Variants in HSH2D observed in about 807,000 individuals in gnomAD.
HSH2D encodes hematopoietic SH2 domain containing.
In HSH2D, 16 loss-of-function variants were observed where a neutral mutation model predicts 21.5. That is an observed-to-expected ratio of 0.74 (90% CI 0.50 to 1.13). HSH2D has a LOEUF of 1.13. HSH2D is among the 50% of genes most tolerant of loss of function. The pLI, the probability that HSH2D is intolerant of heterozygous loss-of-function variation, is 0.00. For synonymous variants in HSH2D, 172 were observed against 184.7 expected (o/e 0.93, Z 0.56); for missense variants, 418 against 441.4 (o/e 0.95, Z 0.47).
At chr19:16,154,185 C>A (rs766119355) in intron 4 of HSH2D, among the ~76,000 whole-genome samples, 2 of 151,520 alleles carry the variant, frequency 1.3e-5, no homozygotes, top group African/African-American at 4.8e-5. Context: ...GTGCTATGGG[C>A]GGGGCATCTT....
chr19:16,134,711 G>A (rs1184391864), intron 1 of HSH2D, among the ~76,000 whole-genome samples: 7 of 151,992 alleles, frequency 4.6e-5, no homozygotes, highest in East Asian at 1.9e-4. Flanking sequence ...TTGTAGCCAC[G>A]ACCACCTGGA....
upstream of HSH2D, among the ~76,000 whole-genome samples, chr19:16,141,013 C>A (rs1316492770): frequency 6.6e-6 from 1 of 152,166 alleles, no homozygotes; most frequent in Non-Finnish European, 1.5e-5. Flanking sequence ...AAAGGCCTTG[C>A]TTGAATTAAG....
intron 1 of HSH2D, among the ~76,000 whole-genome samples, chr19:16,144,246 G>C (rs1035199758): frequency 1.3e-5 from 2 of 152,024 alleles, no homozygotes; most frequent in Non-Finnish European, 2.9e-5. Flanking sequence ...AGGCCCTCAG[G>C]CTGGTGGAGA....
chr19:16,135,046 T>C (rs898806337), intron 1 of HSH2D, among the ~76,000 whole-genome samples: 2 of 147,590 alleles, frequency 1.4e-5, no homozygotes, highest in Non-Finnish European at 3.0e-5. Context: ...AGGTGGGTGG[T>C]TCACCTGAGG....
At chr19:16,141,444 C>T (rs757330273), upstream of HSH2D, among the ~76,000 whole-genome samples, 2 of 152,176 alleles carry the variant, frequency 1.3e-5, no homozygotes, top group Non-Finnish European at 2.9e-5. Flanking sequence ...TACGAGCACA[C>T]GGCCAGAGCT....
chr19:16,143,430 T>C (rs1274413809), upstream of HSH2D, among the ~76,000 whole-genome samples: 4 of 152,124 alleles, frequency 2.6e-5, no homozygotes, highest in Admixed American at 2.0e-4. Context: ...CACTGCTTGA[T>C]AGATTATAGA....
At position 16,157,345 on chromosome 19, in the gene HSH2D, T is replaced by C; in HGVS notation, c.610T>C (p.Trp204Arg). The part of the protein sequence containing the change: ...SPLGETRQKL[W>R]RSLKMLPERG... ...TCTTGGAGAGACCCGCCAGAAACTC[T>C]GGAGGAGCCTCAAAATGCTCCCCGA... Residue 204 changes from tryptophan to arginine, a missense_variant, in exon 6 of 6, where the codon TGG (tryptophan) becomes CGG (arginine). Physicochemically the swap from Trp to Arg is moderately radical, Grantham distance 101. Transcript: ENST00000613986. This position sits in a 1 kb window ranked among gnomAD's most constrained non-coding sequence, Gnocchi z 4.4. 1 of 1,613,896 alleles carries C rather than the reference T, an allele frequency of 6.2e-7. No individual in the cohort carries two copies. The highest frequency in any genetic ancestry group is 8.5e-7 in the Non-Finnish European group (1 of 1,179,850).
intron 2 of HSH2D, among the ~76,000 whole-genome samples, chr19:16,150,939 C>A (rs978994113): frequency 3.9e-5 from 6 of 152,202 alleles, no homozygotes; most frequent in Non-Finnish European, 5.9e-5. Flanking sequence ...CCAGTGGCCT[C>A]TGTATTGAAC....
intron 5 of HSH2D, among the ~76,000 whole-genome samples, chr19:16,156,835 A>G (rs754761990): frequency 6.6e-6 from 1 of 152,096 alleles, no homozygotes; most frequent in Non-Finnish European, 1.5e-5. Flanking sequence ...TGAAAATACA[A>G]AAATTAGCCA....
intron 2 of HSH2D, among the ~76,000 whole-genome samples, chr19:16,151,960 AG>A (rs1044715770): frequency 2.7e-5 from 4 of 146,790 alleles, no homozygotes; most frequent in African/African-American, 1.0e-4. Context: ...AAAAAAAAAA[AG>A]TTGGGCATGG....
rs1178684712 is a variant in HSH2D at position 16,157,274 on chromosome 19, G to A, written c.539G>A (p.Arg180Lys). 1 of 1,607,198 alleles carries A rather than the reference G, an allele frequency of 6.2e-7. No individual in the cohort carries two copies. Among genetic ancestry groups the A allele is most frequent in the African/African-American group, 1.3e-5 (1 of 74,444 alleles). Reference protein sequence around the residue: ...KERKPSAEMNRITTKEATSSC... With the variant: ...KERKPSAEMNKITTKEATSSC... ...AGGAAGCCGTCAGCAGAGATGAACAGAATAACCACCAAGGAAGCCACTTCC... is the reference window on the plus strand; with the variant it reads ...AGGAAGCCGTCAGCAGAGATGAACAAAATAACCACCAAGGAAGCCACTTCC... The change falls in exon 6 of 6, where the codon AGA (arginine) becomes AAA (lysine). Residue 180 changes from arginine to lysine, a missense_variant. Coordinates refer to ENST00000613986, the MANE Select transcript of HSH2D (RefSeq NM_001382417.1). This position sits in a 1 kb window ranked among gnomAD's most constrained non-coding sequence, Gnocchi z 4.4.
intron 2 of HSH2D, among the ~76,000 whole-genome samples, chr19:16,150,695 A>G (rs933927184): frequency 3.1e-5 from 1 of 32,338 alleles, no homozygotes; most frequent in African/African-American, 1.4e-4. Context: ...CAAAAAAAAA[A>G]AAAAATTAAA....
upstream of HSH2D, among the ~76,000 whole-genome samples, chr19:16,142,922 G>A (rs181605324): frequency 7.3e-4 from 111 of 151,744 alleles, 1 homozygote; most frequent in East Asian, 0.019. Flanking sequence ...ACAGGCACCC[G>A]CCACCACGCC....
Position 16,158,093 on chromosome 19 carries a change from T to C in HSH2D, c.*299T>C. The C allele has an allele frequency of 3.3e-6, 1 of 300,140 alleles. No homozygotes were observed. Among genetic ancestry groups the C allele is most frequent in the South Asian group, 8.7e-5 (1 of 11,538 alleles). 18.6% of individuals were successfully genotyped at this position (300,140 alleles called of 1,614,324 possible). On this transcript the variant is annotated 3_prime_UTR_variant, in exon 6 of 6. Coordinates refer to ENST00000613986, the MANE Select transcript of HSH2D (RefSeq NM_001382417.1). ...AGAGCAAGGCCCTCAGGGAGGGTCA[T>C]CCTCCATGTTTTGAAGAAGAGACTG...
chr19:16,151,090 G>A lies in HSH2D; in HGVS notation c.126-1462G>A, dbSNP rs573534882. 1.1e-4 allele frequency among the ~76,000 whole-genome samples: 17 copies of A among 152,232 alleles called. No individual in the cohort carries two copies. In the East Asian group the frequency reaches 2.7e-3, roughly 24 times the overall value. ...TGTAATCCCAGCACTTTGGGAGGCC[G>A]AGGCGGGCGGATCACCAGAGGTCAG... On this transcript the variant is annotated intron_variant, in intron 2 of 5. Transcript: ENST00000613986.
chr19:16,145,740 G>A (rs550326247), intron 1 of HSH2D, among the ~76,000 whole-genome samples: 169 of 152,158 alleles, frequency 1.1e-3, no homozygotes, highest in Middle Eastern at 6.8e-3. Flanking sequence ...CATTAGATGG[G>A]GCCAATGGGT....
In HSH2D at chr19:16,157,230, G is replaced by C; in HGVS notation, c.495G>C (p.Leu165=). Residue 165 remains leucine (L), a synonymous_variant, in exon 6 of 6, where the codon CTG becomes CTC. Transcript: ENST00000613986. The surrounding 1 kb of genome is among the most constrained non-coding windows in gnomAD (Gnocchi z 4.4). ...TTCAGGCCTCCCCAAAGCCAGTCCTGTGTCACCAATCAAAGGAAAGGAAGC... is the reference window on the plus strand; with the variant it reads ...TTCAGGCCTCCCCAAAGCCAGTCCTCTGTCACCAATCAAAGGAAAGGAAGC... ...APEEASPKPV[L]CHQSKERKPS... 1 of 1,558,660 alleles carries C rather than the reference G, an allele frequency of 6.4e-7. No homozygotes were observed. Among genetic ancestry groups the C allele is most frequent in the Non-Finnish European group, 8.7e-7 (1 of 1,155,468 alleles).
chr19:16,149,205 TTCTC>T (rs1215676395), intron 2 of HSH2D, among the ~76,000 whole-genome samples: 2 of 152,098 alleles, frequency 1.3e-5, no homozygotes, highest in African/African-American at 2.4e-5. Flanking sequence ...CTCAGAATCT[TTCTC>T]TCTTTCTTTT....
chr19:16,146,761 T>G (rs1485427885), intron 1 of HSH2D, among the ~76,000 whole-genome samples: 1 of 152,072 alleles, frequency 6.6e-6, no homozygotes, highest in Non-Finnish European at 1.5e-5. Flanking sequence ...TTTCGTTCAC[T>G]TGCCATTTTG....
Sources: allele counts gnomAD v4.1 joint callset (sites outside exome capture counted in the v4.1 genomes callset), GRCh38; gene constraint gnomAD v4.1.1; non-coding constraint Gnocchi (gnomAD v3.1); transcripts MANE v1.5; gene names NCBI Gene and HGNC (gene_info 2026-07-23, HGNC 2026-07-21).